Variants in PSEN1 observed in about 807,000 individuals in gnomAD.
PSEN1 encodes the protein presenilin 1.
Under a neutral mutation model 53.5 loss-of-function variants are expected in PSEN1, and 15 were observed. The observed-to-expected ratio is 0.28, with a 90% CI of 0.19 to 0.43. The LOEUF is 0.43. Ranked by LOEUF, PSEN1 falls within the 20% of genes least tolerant of loss-of-function variation. The probability of loss-of-function intolerance (pLI) is 1.00; values close to 1 mark genes in which losing one functional copy is unlikely to be tolerated. For missense variants in PSEN1, 387 were observed against 571.2 expected (o/e 0.68, Z 3.29); for synonymous variants, 208 against 209.8 (o/e 0.99, Z 0.08).
At chr14:73,138,515 G>A (rs1379371187) in intron 1 of PSEN1, among the ~76,000 whole-genome samples, 1 of 151,200 alleles carries the variant, frequency 6.6e-6, no homozygotes, top group Non-Finnish European at 1.5e-5. Flanking sequence ...CACCCTGCCC[G>A]GCCGGCTATT....
rs139391117 is a variant in PSEN1, at chr14:73,209,591, C to T, written c.956-2178C>T. ...CCCCTGCCCTTGTGGAGCTTATAGT[C>T]TATTTGGAGAGATAGATGGTCAACA... On this transcript the variant is annotated intron_variant, in intron 9 of 11. Transcript: ENST00000324501. Among the ~76,000 whole-genome samples, 77 of 152,242 alleles carry T rather than the reference C, an allele frequency of 5.1e-4. No individual in the cohort carries two copies. The East Asian group carries it at 0.013, about 26-fold the overall frequency.
Position 73,193,215 on chromosome 14 carries a change from T to A in PSEN1, c.769+351T>A, listed in dbSNP as rs1035423787. 2.6e-5 allele frequency among the ~76,000 whole-genome samples: 4 copies of A among 151,500 alleles called. No homozygotes were observed. The East Asian group carries it at 7.8e-4, about 29-fold the overall frequency. On this transcript the variant is annotated intron_variant, in intron 7 of 11. Transcript: ENST00000324501. ...GTTCCAGCTACTTAGGAGGCTGAGG[T>A]GGGAGGATCGATTGAGCCCAGGAGG...
intron 5 of PSEN1, among the ~76,000 whole-genome samples, chr14:73,175,091 CAGG>C (rs1898006691): frequency 6.6e-6 from 1 of 152,100 alleles, no homozygotes; most frequent in African/African-American, 2.4e-5. Flanking sequence ...GAGGCCAAGG[CAGG>C]AGGATTGCTT....
At position 73,222,630 on chromosome 14, in the gene PSEN1, A is replaced by G. The variant is rs1900139371; in HGVS notation, c.*3341A>G. 1 of 152,232 alleles carries G rather than the reference A, an allele frequency of 6.6e-6. No individual in the cohort carries two copies. Among genetic ancestry groups the G allele is most frequent in the Non-Finnish European group, 1.5e-5 (1 of 68,038 alleles). The allele number at this position is 152,232 out of a possible 1,614,324, so 9.4% of individuals were successfully genotyped here. On this transcript the variant is annotated 3_prime_UTR_variant, in exon 12 of 12. Coordinates refer to ENST00000324501, the MANE Select transcript of PSEN1 (RefSeq NM_000021.4). The stretch of plus-strand genomic sequence containing the variant: ...TTCCCGTAGGTTCTGGAGTCTGAGG[A>G]TGCAAAGATGAATAAGATAAATTCT...
intron 5 of PSEN1, among the ~76,000 whole-genome samples, chr14:73,179,314 A>G (rs1400968716): frequency 6.6e-6 from 1 of 152,118 alleles, no homozygotes; most frequent in Non-Finnish European, 1.5e-5. Context: ...GCATACGAGA[A>G]TGGAGAAAAG....
intron 7 of PSEN1, among the ~76,000 whole-genome samples, chr14:73,194,439 T>TG (rs1898852992): frequency 6.6e-6 from 1 of 152,088 alleles, no homozygotes; most frequent in African/African-American, 2.4e-5. Flanking sequence ...AAAAAATTTT[T>TG]TTTCAGAGAT....
At chr14:73,193,960 A>G (rs965827063) in intron 7 of PSEN1, among the ~76,000 whole-genome samples, 3 of 152,130 alleles carry the variant, frequency 2.0e-5, no homozygotes, top group Admixed American at 6.5e-5. Context: ...TCTGGCCTCA[A>G]TTCACTTTTA....
intron 5 of PSEN1, among the ~76,000 whole-genome samples, chr14:73,184,746 A>ACCC (rs756405565): frequency 8.2e-4 from 61 of 74,448 alleles, no homozygotes; most frequent in East Asian, 2.8e-3. Flanking sequence ...CGGGGGGCTG[A>ACCC]CCCCCCCCAC....
At chr14:73,188,788 TTTTTG>T (rs922726797) in intron 6 of PSEN1, among the ~76,000 whole-genome samples, 1 of 152,128 alleles carries the variant, frequency 6.6e-6, no homozygotes, top group Non-Finnish European at 1.5e-5. Context: ...GTTTGTTTGT[TTTTTG>T]TTTTGTTTTT....
At chr14:73,206,237 C>T (rs1899448993) in intron 8 of PSEN1, 149 bp from the exon 9 acceptor site, 1 of 688,664 alleles carries the variant, frequency 1.5e-6, no homozygotes, top group Admixed American at 2.2e-5. Flanking sequence ...CCAAAGAGAA[C>T]CTTTTTTTTA....
At chr14:73,175,068 C>A (rs1423942054) in intron 5 of PSEN1, among the ~76,000 whole-genome samples, 1 of 152,004 alleles carries the variant, frequency 6.6e-6, no homozygotes, top group Non-Finnish European at 1.5e-5. Context: ...TGCCTGTAAT[C>A]CCAGCACTTT....
In PSEN1 at chr14:73,222,610, G is replaced by T. The variant is rs983079104; in HGVS notation, c.*3321G>T. ...TTTGTTCAGTGTTTTCTGTGTTCCC[G>T]TAGGTTCTGGAGTCTGAGGATGCAA... is the stretch of plus-strand genomic sequence containing the variant. On this transcript the variant is annotated 3_prime_UTR_variant, in exon 12 of 12. Transcript: ENST00000324501. 1.3e-5 allele frequency: 2 copies of T among 152,202 alleles called. No homozygotes were observed. Among genetic ancestry groups the T allele is most frequent in the African/African-American group, 4.8e-5 (2 of 41,450 alleles). 9.4% of individuals were successfully genotyped at this position (152,202 alleles called of 1,614,324 possible).
intron 8 of PSEN1, among the ~76,000 whole-genome samples, chr14:73,203,487 C>G (rs1899316891): frequency 6.6e-6 from 1 of 152,152 alleles, no homozygotes; most frequent in South Asian, 2.1e-4. Flanking sequence ...CCGATGAGTA[C>G]TTTTTCCCTG....
Position 73,219,528 on chromosome 14 carries a change from A to G in PSEN1, c.*239A>G, listed in dbSNP as rs773103376. 2 of 516,960 alleles carry G rather than the reference A, an allele frequency of 3.9e-6. No homozygotes were observed. Among genetic ancestry groups the G allele is most frequent in the Non-Finnish European group, 7.0e-6 (2 of 285,330 alleles). 32.0% of individuals were successfully genotyped at this position (516,960 alleles called of 1,614,324 possible). ...GTGGACTGTGTCCCTCGGTGCAGAA[A>G]CTACCAGATTTGAGGGACGAGGTCA... On this transcript the variant is annotated 3_prime_UTR_variant, in exon 12 of 12. Coordinates refer to ENST00000324501, the MANE Select transcript of PSEN1 (RefSeq NM_000021.4).
At chr14:73,175,937 C>T (rs76892416) in intron 5 of PSEN1, among the ~76,000 whole-genome samples, 3,469 of 152,258 alleles carry the variant, frequency 0.023, 137 homozygotes, top group African/African-American at 0.076. Context: ...TGTCGTACCC[C>T]ACCAGTGCTG....
chr14:73,192,538 A>C, intron 6 of PSEN1, 106 bp from the exon 7 acceptor site: 1 of 791,056 alleles, frequency 1.3e-6, no homozygotes, highest in East Asian at 2.5e-5. Context: ...AAAATTATAA[A>C]GGTGGGATAT....
chr14:73,214,946 T>C (rs1369911631), intron 10 of PSEN1, among the ~76,000 whole-genome samples: 1 of 152,136 alleles, frequency 6.6e-6, no homozygotes. Flanking sequence ...GATGGGTATC[T>C]TACCACAGTT....
chr14:73,162,938 C>G (rs1897596602), intron 3 of PSEN1, among the ~76,000 whole-genome samples: 3 of 152,104 alleles, frequency 2.0e-5, no homozygotes, highest in African/African-American at 7.2e-5. Flanking sequence ...TCTTTGAGAC[C>G]ATGTGAATGT....
At chr14:73,183,786 C>A (rs1356818251) in intron 5 of PSEN1, among the ~76,000 whole-genome samples, 2 of 151,404 alleles carry the variant, frequency 1.3e-5, no homozygotes, top group Non-Finnish European at 2.9e-5. Context: ...CATTGTCATC[C>A]TGGCCCGTTC....
Sources: allele counts gnomAD v4.1 joint callset (sites outside exome capture counted in the v4.1 genomes callset), GRCh38; gene constraint gnomAD v4.1.1; transcripts MANE v1.5; gene names NCBI Gene and HGNC (gene_info 2026-07-23, HGNC 2026-07-21).